The following LSM5 variants were observed in gnomAD, a reference collection of about 807,000 sequenced individuals.
The protein encoded by LSM5 is LSM5 homolog, U6 small nuclear RNA and mRNA degradation associated, also known as U6 snRNA-associated Sm-like protein LSm5.
LSM5 carries 8 observed loss-of-function variants against 13.8 expected under a neutral mutation model. The ratio of observed to expected loss-of-function variants is 0.58; its 90% CI spans 0.34 to 1.04. The LOEUF (loss-of-function observed/expected upper bound fraction) is 1.04. LSM5 is among the 50% of genes least tolerant of loss of function. The pLI is 0.03. For synonymous variants in LSM5, 35 were observed against 37.0 expected, an observed-to-expected ratio of 0.95 and a Z score of 0.20; for missense variants, 80 against 108.1, an observed-to-expected ratio of 0.74 and a Z score of 1.15.
chr7:32,487,639 CA>C, intron 4 of LSM5, 45 bp downstream of exon 4: 1 of 1,042,210 alleles, frequency 9.6e-7, no homozygotes. Flanking sequence ...CACTGCTCCC[CA>C]AAAATGGGCT....
chr7:32,490,743 T>C (rs1403117977), upstream of LSM5: 1 of 235,476 alleles, frequency 4.2e-6, no homozygotes, highest in East Asian at 1.0e-4. Flanking sequence ...TGCCATCAAT[T>C]AACTGTTACA....
rs1363676521 is a variant in LSM5 at position 32,485,781 on chromosome 7, G to A, written c.*1480C>T. On this transcript the variant is annotated 3_prime_UTR_variant, in exon 5 of 5. Coordinates refer to ENST00000450169, the MANE Select transcript of LSM5 (RefSeq NM_012322.3). ...AAAAATATAAAAATTAGATGGGAGT[G>A]GTGGCGCCCACCTGTAATCCCAGCT... is the stretch of plus-strand genomic sequence containing the variant. 3 of 151,940 alleles carry A rather than the reference G, an allele frequency of 2.0e-5. No individual in the cohort carries two copies. The highest frequency in any genetic ancestry group is 4.4e-5 in the Non-Finnish European group (3 of 67,994). 9.4% of individuals were successfully genotyped at this position (151,940 alleles called of 1,614,324 possible). A position where few individuals can be genotyped will look rare whatever the true frequency, so the allele number is the denominator to read the frequency against.
At chr7:32,494,828 A>G (rs1467828958), upstream of LSM5, among the ~76,000 whole-genome samples, 3 of 152,254 alleles carry the variant, frequency 2.0e-5, no homozygotes, top group African/African-American at 7.2e-5. Flanking sequence ...CACGTATCCA[A>G]GTAAACTTCC....
chr7:32,490,137 G>A (rs1173219340), intron 1 of LSM5, 183 bp downstream of exon 1: 1 of 1,540,042 alleles, frequency 6.5e-7, no homozygotes, highest in South Asian at 1.2e-5. Context: ...TTGCCTGGAG[G>A]AGCCCGACCA....
intron 2 of LSM5, 66 bp from the exon 3 acceptor site, chr7:32,488,718 GTTTT>G (rs1786504103): frequency 1.1e-5 from 13 of 1,169,918 alleles, no homozygotes; most frequent in South Asian, 1.0e-4. Flanking sequence ...TTCAGCTTTT[GTTTT>G]TTGTTTTTGT....
intron 1 of LSM5, 148 bp from the exon 2 acceptor site, chr7:32,489,492 C>A (rs557143137): frequency 5.0e-6 from 3 of 602,390 alleles, no homozygotes; most frequent in East Asian, 6.1e-5. Context: ...AATCTCAGTT[C>A]AAGCACAGCA....
upstream of LSM5, chr7:32,494,894 A>G (rs887369565): frequency 6.6e-5 from 10 of 152,216 alleles, no homozygotes; most frequent in African/African-American, 1.9e-4. Context: ...ATTCCTACAC[A>G]TAATATTTAA....
At chr7:32,490,549 GC>G, upstream of LSM5, 1 of 613,934 alleles carries the variant, frequency 1.6e-6, no homozygotes, top group Non-Finnish European at 3.0e-6. Context: ...AATATTTCCT[GC>G]CCACTGGACA....
chr7:32,494,014 T>C (rs1357756026), upstream of LSM5, among the ~76,000 whole-genome samples: 1 of 151,926 alleles, frequency 6.6e-6, no homozygotes, highest in African/African-American at 2.4e-5. Context: ...TTGTATTTTG[T>C]ACTAGAGAGG....
chr7:32,493,089 G>A (rs1293303603), upstream of LSM5, among the ~76,000 whole-genome samples: 1 of 152,104 alleles, frequency 6.6e-6, no homozygotes, highest in Non-Finnish European at 1.5e-5. Context: ...GATCCCTTGA[G>A]CCCAAGAGTT....
rs1051167325 is a variant in LSM5 at position 32,490,031 on chromosome 7, C to T, written c.46+289G>A. On this transcript the variant is annotated intron_variant, in intron 1 of 4. Transcript: ENST00000450169. ...TGAGAAGTAGGCCTACTACCTATAA[C>T]ACTGCAGAGGCGGGCTCACAACAAA... 1.1e-5 allele frequency: 16 copies of T among 1,395,482 alleles called. No individual in the cohort carries two copies. In the African/African-American group the frequency reaches 2.1e-4, roughly 19 times the overall value. The allele number at this position is 1,395,482 out of a possible 1,614,324, so 86.4% of individuals were successfully genotyped here.
chr7:32,485,942 C>CAAAAAAAAAAAAAAAAAAAAA lies in LSM5; in HGVS notation c.*1298_*1318dup, dbSNP rs10598963. On this transcript the variant is annotated 3_prime_UTR_variant, in exon 5 of 5. Coordinates refer to ENST00000450169, the MANE Select transcript of LSM5 (RefSeq NM_012322.3). Reference sequence around the variant, plus strand: ...GCCACTGCATTCCAGTGAGACTCTCCAAAAAAAAAAAAAAAAAAAAAAAAA... The same window carrying CAAAAAAAAAAAAAAAAAAAAA: ...GCCACTGCATTCCAGTGAGACTCTCCAAAAAAAAAAAAAAAAAAAAAAAAAAAAAAAAAAAAAAAAAAAAAA... 1 of 114,542 alleles carries CAAAAAAAAAAAAAAAAAAAAA rather than the reference C, an allele frequency of 8.7e-6. No individual in the cohort carries two copies. Among genetic ancestry groups the CAAAAAAAAAAAAAAAAAAAAA allele is most frequent in the Non-Finnish European group, 1.8e-5 (1 of 56,022 alleles). The allele number at this position is 114,542 out of a possible 1,614,324, so 7.1% of individuals were successfully genotyped here. A position where few individuals can be genotyped will look rare whatever the true frequency, so the allele number is the denominator to read the frequency against.
At position 32,487,038 on chromosome 7, in the gene LSM5, A is replaced by C; in HGVS notation, c.*223T>G. 7.0e-6 allele frequency: 4 copies of C among 572,424 alleles called. No individual in the cohort carries two copies. The South Asian group carries it at 9.0e-5, about 13-fold the overall frequency. The allele number at this position is 572,424 out of a possible 1,614,324, so 35.5% of individuals were successfully genotyped here. A position where few individuals can be genotyped will look rare whatever the true frequency, so the allele number is the denominator to read the frequency against. The stretch of plus-strand genomic sequence containing the variant: ...AGTAGAATAAACAAAATGACAGTTA[A>C]CCAAAAACACCTTTATTTTCATCTG... On this transcript the variant is annotated 3_prime_UTR_variant, in exon 5 of 5. Coordinates refer to ENST00000450169, the MANE Select transcript of LSM5 (RefSeq NM_012322.3).
upstream of LSM5, chr7:32,490,637 A>G (rs1786563938): frequency 4.0e-6 from 2 of 499,114 alleles, no homozygotes; most frequent in Admixed American, 3.4e-5. Context: ...CTTGTGAATA[A>G]ATTGTTCCTG....
upstream of LSM5, among the ~76,000 whole-genome samples, chr7:32,491,029 T>C (rs1391558330): frequency 6.6e-6 from 1 of 152,216 alleles, no homozygotes; most frequent in African/African-American, 2.4e-5. Flanking sequence ...AAAATCATGC[T>C]TTCCACTTCT....
Position 32,486,198 on chromosome 7 carries a change from C to T in LSM5, c.*1063G>A, listed in dbSNP as rs919249290. 6.6e-6 allele frequency: 1 copy of T among 152,134 alleles called. No homozygotes were observed. The highest frequency in any genetic ancestry group is 2.4e-5 in the African/African-American group (1 of 41,418). 9.4% of individuals were successfully genotyped at this position (152,134 alleles called of 1,614,324 possible). On this transcript the variant is annotated 3_prime_UTR_variant, in exon 5 of 5. Transcript: ENST00000450169. The stretch of plus-strand genomic sequence containing the variant: ...AATGTATAAAGATCTAGTTAGACTA[C>T]TGTGGCCAGTAAGAATAGGCTAAAT...
upstream of LSM5, among the ~76,000 whole-genome samples, chr7:32,494,108 T>C (rs1175236736): frequency 6.6e-6 from 1 of 152,208 alleles, no homozygotes; most frequent in Admixed American, 6.5e-5. Context: ...GTGCTGGGAT[T>C]ACAGGCGTGA....
At position 32,487,185 on chromosome 7, in the gene LSM5, G is replaced by A. The variant is rs1786467212; in HGVS notation, c.*76C>T. On this transcript the variant is annotated 3_prime_UTR_variant, in exon 5 of 5. Transcript: ENST00000450169. ...TTAGCTTTATGGGATTTAAACATTA[G>A]AAAGTGGGAAAAAAAATTCCATTTT... 1.5e-6 allele frequency: 2 copies of A among 1,328,526 alleles called. No homozygotes were observed. Among genetic ancestry groups the A allele is most frequent in the Admixed American group, 1.7e-5 (1 of 57,702 alleles). The allele number at this position is 1,328,526 out of a possible 1,614,324, so 82.3% of individuals were successfully genotyped here.
chr7:32,487,089 T>C lies in LSM5; in HGVS notation c.*172A>G. ...CAAAGAAGAAGCTCTTTTCTTCTTT[T>C]TCCAGGATAATCATGATTAACTTAC... On this transcript the variant is annotated 3_prime_UTR_variant, in exon 5 of 5. Coordinates refer to ENST00000450169, the MANE Select transcript of LSM5 (RefSeq NM_012322.3). 1.6e-6 allele frequency: 1 copy of C among 643,790 alleles called. No homozygotes were observed. Among genetic ancestry groups the C allele is most frequent in the Non-Finnish European group, 2.7e-6 (1 of 366,684 alleles). 39.9% of individuals were successfully genotyped at this position (643,790 alleles called of 1,614,324 possible). A position where few individuals can be genotyped will look rare whatever the true frequency, so the allele number is the denominator to read the frequency against.
Sources: allele counts gnomAD v4.1 joint callset (sites outside exome capture counted in the v4.1 genomes callset), GRCh38; gene constraint gnomAD v4.1.1; transcripts MANE v1.5; gene names NCBI Gene and HGNC (gene_info 2026-07-23, HGNC 2026-07-21).